Variants in INTS7 observed in about 807,000 individuals in gnomAD.
The protein encoded by INTS7 is chromosome 1 open reading frame 73.
In INTS7, 46 loss-of-function variants were observed where a neutral mutation model predicts 109.2. The observed-to-expected ratio is 0.42, with a 90% CI of 0.33 to 0.54. The LOEUF is 0.54. INTS7 is among the 20% of genes least tolerant of loss of function. INTS7 has a pLI of 0.07. For synonymous variants in INTS7, 412 were observed against 402.9 expected, an observed-to-expected ratio of 1.02 and a Z score of -0.27; for missense variants, 929 against 1,132.4, an observed-to-expected ratio of 0.82 and a Z score of 2.58.
At chr1:211,979,373 C>T (rs1664551156) in intron 10 of INTS7, among the ~76,000 whole-genome samples, 1 of 152,114 alleles carries the variant, frequency 6.6e-6, no homozygotes, top group Admixed American at 6.5e-5. Context: ...TCAGCTTGCC[C>T]CTTATTAGCT....
Position 211,942,414 on chromosome 1 carries a change from T to C in INTS7, c.2602-303A>G, listed in dbSNP as rs1177432566. Among the ~76,000 whole-genome samples the C allele has an allele frequency of 6.6e-6, 1 of 152,250 alleles. No homozygotes were observed. The highest frequency in any genetic ancestry group is 2.4e-5 in the African/African-American group (1 of 41,544). On this transcript the variant is annotated intron_variant, in intron 19 of 19. Transcript: ENST00000366994. This position sits in a 1 kb window ranked among gnomAD's most constrained non-coding sequence, Gnocchi z 4.2. ...TGAGTAGAATGAGCTCCCAGAGCCG[T>C]TGACAGCCCCTTCACATGCTGGCCT...
In INTS7 at chr1:211,975,233, T is replaced by C. The variant is rs1006514914; in HGVS notation, c.1748A>G (p.Tyr583Cys). 3.1e-6 allele frequency: 5 copies of C among 1,613,912 alleles called. No individual in the cohort carries two copies. The highest frequency in any genetic ancestry group is 2.7e-5 in the African/African-American group (2 of 74,946). Residue 583 changes from tyrosine to cysteine, a missense_variant, in exon 13 of 20, where the codon TAT becomes TGT. By Grantham distance (194) the Tyr-to-Cys change is radical. Transcript: ENST00000366994. ...AGCAATGCAAGAAAGTGCTGAACTA[T>C]AATTTTCCTCTTGCAACCCAGTGAG... ...QCLTGLQEEN[Y>C]SSALSCIAES...
In INTS7 at chr1:211,982,725, A is replaced by G. The variant is rs1442692805; in HGVS notation, c.1083T>C (p.Ala361=). Residue 361 remains alanine, a synonymous_variant, in exon 9 of 20, where the codon GCT becomes GCC. Transcript: ENST00000366994. ...CCYHNNRGIA[A]HGVRVLTNIT... is the part of the protein sequence containing the mutation. ...TATTAGTTAGGACTCTAACTCCATG[A>G]GCTGCAATGCCCCTGTTATTATGGT... The G allele has an allele frequency of 2.5e-6, 4 of 1,612,298 alleles. No homozygotes were observed. In the South Asian group the frequency reaches 3.3e-5, roughly 13 times the overall value.
chr1:211,971,105 G>A (rs1030034577), intron 13 of INTS7, among the ~76,000 whole-genome samples: 16 of 152,164 alleles, frequency 1.1e-4, no homozygotes, highest in Admixed American at 1.0e-3. Flanking sequence ...CTAGAGAAGG[G>A]TGTTTCTCTA....
At chr1:212,007,873 A>C (rs1345531444) in intron 5 of INTS7, among the ~76,000 whole-genome samples, 1 of 152,236 alleles carries the variant, frequency 6.6e-6, no homozygotes, top group Non-Finnish European at 1.5e-5. Flanking sequence ...CAGGATGTGA[A>C]TAAACTGTGT....
At chr1:211,968,083 CA>C (rs1293418417) in intron 14 of INTS7, 102 bp from the exon 15 acceptor site, 109 of 579,060 alleles carry the variant, frequency 1.9e-4, no homozygotes, top group Middle Eastern at 3.8e-4. Flanking sequence ...AATAACAATT[CA>C]AAAAAAATAC....
At chr1:211,991,051 G>A (rs997937428) in intron 7 of INTS7, among the ~76,000 whole-genome samples, 1 of 152,174 alleles carries the variant, frequency 6.6e-6, no homozygotes, top group African/African-American at 2.4e-5. Context: ...ATGGAGACTA[G>A]TGAATGAGTA....
chr1:212,026,525 A>G (rs1666926962), intron 1 of INTS7, among the ~76,000 whole-genome samples: 1 of 152,110 alleles, frequency 6.6e-6, no homozygotes, highest in Non-Finnish European at 1.5e-5. Flanking sequence ...TATCAAACAC[A>G]ACGCCAAAAG....
chr1:211,948,554 C>G (rs531795499), intron 17 of INTS7, among the ~76,000 whole-genome samples: 1 of 152,254 alleles, frequency 6.6e-6, no homozygotes, highest in East Asian at 1.9e-4. Context: ...TTTGCAATAC[C>G]CTCTTGGAAA....
intron 19 of INTS7, among the ~76,000 whole-genome samples, chr1:211,943,760 T>C (rs1345900723): frequency 6.6e-6 from 1 of 152,158 alleles, no homozygotes; most frequent in Non-Finnish European, 1.5e-5. Context: ...CCAAAGATAA[T>C]AAAATGCTCT....
intron 17 of INTS7, among the ~76,000 whole-genome samples, chr1:211,948,437 T>C (rs1044989609): frequency 6.6e-6 from 1 of 152,194 alleles, no homozygotes; most frequent in Non-Finnish European, 1.5e-5. Context: ...CACTAGTGTC[T>C]AAGGAGAGAA....
In INTS7 at chr1:211,946,464, A is replaced by C. The variant is rs1662851390; in HGVS notation, c.2415+143T>G. ...GTACTCCAGCCCAGGCGACAGGGCG[A>C]GACTCTGTCTCAAAAAACAAAACAA... is the stretch of plus-strand genomic sequence containing the variant. On this transcript the variant is annotated intron_variant, in intron 18 of 19. Coordinates refer to ENST00000366994, the MANE Select transcript of INTS7 (RefSeq NM_015434.4). This position sits in a 1 kb window ranked among gnomAD's most constrained non-coding sequence, Gnocchi z 4.3. 7.4e-6 allele frequency: 4 copies of C among 542,740 alleles called. No homozygotes were observed. The highest frequency in any genetic ancestry group is 1.3e-5 in the Non-Finnish European group (4 of 307,404). The allele number at this position is 542,740 out of a possible 1,614,324, so 33.6% of individuals were successfully genotyped here. A position where few individuals can be genotyped will look rare whatever the true frequency, so the allele number is the denominator to read the frequency against.
At chr1:212,022,047 A>G (rs115849930) in intron 1 of INTS7, among the ~76,000 whole-genome samples, 207 of 152,334 alleles carry the variant, frequency 1.4e-3, no homozygotes, top group Admixed American at 3.6e-3. Flanking sequence ...CACAGGTACC[A>G]ACATAATTCA....
intron 5 of INTS7, among the ~76,000 whole-genome samples, chr1:212,009,443 GCCC>G (rs889202671): frequency 6.6e-6 from 1 of 152,136 alleles, no homozygotes; most frequent in Non-Finnish European, 1.5e-5. Context: ...CCAATGGAGA[GCCC>G]AGCAGGAGTT....
At chr1:212,003,980 C>G (rs2102463742) in intron 7 of INTS7, among the ~76,000 whole-genome samples, 1 of 152,252 alleles carries the variant, frequency 6.6e-6, no homozygotes, top group East Asian at 1.9e-4. Flanking sequence ...AAATGTGTGA[C>G]AAATCATAGT....
At chr1:211,954,207 AG>A (rs1442721784) in intron 16 of INTS7, among the ~76,000 whole-genome samples, 1 of 152,140 alleles carries the variant, frequency 6.6e-6, no homozygotes, top group Admixed American at 6.5e-5. Flanking sequence ...TCTTTTGAGA[AG>A]TGTCTGTTCA....
At chr1:211,982,906 C>G (rs942537166) in intron 8 of INTS7, 96 bp from the exon 9 acceptor site, 1 of 920,480 alleles carries the variant, frequency 1.1e-6, no homozygotes, top group Non-Finnish European at 1.6e-6. Context: ...TGAGAAAAGT[C>G]TCTAACAATA....
At chr1:211,996,988 C>T (rs1293547113) in intron 7 of INTS7, among the ~76,000 whole-genome samples, 1 of 152,166 alleles carries the variant, frequency 6.6e-6, no homozygotes, top group Non-Finnish European at 1.5e-5. Context: ...CGCACCACTG[C>T]ACTCCAGCCT....
At position 212,035,441 on chromosome 1, in the gene INTS7, C is replaced by T. The variant is rs1359355942; in HGVS notation, c.-4G>A. The T allele has an allele frequency of 3.1e-6, 5 of 1,607,182 alleles. No homozygotes were observed. In the African/African-American group the frequency reaches 4.0e-5, roughly 13 times the overall value. ...ACTTAGTTGAGTTTGACGCCATGAC[C>T]CGAATAGTTACTCGACTAGCCTAGT... On this transcript the variant is annotated 5_prime_UTR_variant, in exon 1 of 20. Transcript: ENST00000366994.
Sources: allele counts gnomAD v4.1 joint callset (sites outside exome capture counted in the v4.1 genomes callset), GRCh38; gene constraint gnomAD v4.1.1; non-coding constraint Gnocchi (gnomAD v3.1); transcripts MANE v1.5; gene names NCBI Gene and HGNC (gene_info 2026-07-23, HGNC 2026-07-21).